Variants in OTOGL observed in about 807,000 individuals in gnomAD.
OTOGL encodes the protein otogelin like.
OTOGL carries 285 observed loss-of-function variants against 318.5 expected under a neutral mutation model. The ratio of observed to expected loss-of-function variants is 0.89; its 90% CI spans 0.81 to 0.99. The LOEUF (loss-of-function observed/expected upper bound fraction) is 0.99. OTOGL is among the 50% of genes least tolerant of loss of function. The probability of loss-of-function intolerance (pLI) is 0.00; values close to 1 mark genes in which losing one functional copy is unlikely to be tolerated. For missense variants in OTOGL, 2,899 were observed against 2,845.6 expected (o/e 1.02, Z -0.43); for synonymous variants, 987 against 936.5 (o/e 1.05, Z -0.99).
At chr12:80,304,267 A>G (rs1239873443) in intron 28 of OTOGL, among the ~76,000 whole-genome samples, 4 of 152,246 alleles carry the variant, frequency 2.6e-5, no homozygotes, top group Admixed American at 6.5e-5. Context: ...ATTATAAATT[A>G]TTTTATATAC....
intron 45 of OTOGL, 42 bp downstream of exon 45, chr12:80,352,478 T>C (rs1201170676): frequency 6.9e-7 from 1 of 1,457,776 alleles, no homozygotes; most frequent in Non-Finnish European, 9.2e-7. Flanking sequence ...CATAAATAAA[T>C]TTCACTTTTG....
intron 1 of OTOGL, among the ~76,000 whole-genome samples, chr12:80,121,182 A>C (rs1840530274): frequency 6.6e-6 from 1 of 152,162 alleles, no homozygotes; most frequent in African/African-American, 2.4e-5. Context: ...CTTTACAAGC[A>C]TTATTGCTGA....
intron 27 of OTOGL, among the ~76,000 whole-genome samples, chr12:80,301,478 G>A (rs548881361): frequency 1.3e-5 from 2 of 152,252 alleles, no homozygotes; most frequent in Admixed American, 6.5e-5. Context: ...GGTTGCAAAC[G>A]TCTCAGGCTA....
intron 1 of OTOGL, among the ~76,000 whole-genome samples, chr12:80,207,174 G>C (rs71463861): frequency 4.2e-4 from 64 of 152,102 alleles, no homozygotes; most frequent in African/African-American, 8.2e-4. Flanking sequence ...GTTTATGCTT[G>C]AGATTTTTCC....
chr12:80,271,518 T>C (rs1260066131), intron 23 of OTOGL, 130 bp from the exon 24 acceptor site: 4 of 821,618 alleles, frequency 4.9e-6, no homozygotes, highest in Non-Finnish European at 7.3e-6. Flanking sequence ...GTTACTGTCT[T>C]ATGGAAGGCA....
chr12:80,147,187 C>T (rs1872442617), intron 1 of OTOGL, among the ~76,000 whole-genome samples: 1 of 151,260 alleles, frequency 6.6e-6, no homozygotes, highest in Non-Finnish European at 1.5e-5. Flanking sequence ...CTCCTGTGGG[C>T]ATTTAGTGCT....
At chr12:80,233,760 G>A (rs1879589934) in intron 9 of OTOGL, among the ~76,000 whole-genome samples, 1 of 152,182 alleles carries the variant, frequency 6.6e-6, no homozygotes, top group South Asian at 2.1e-4. Flanking sequence ...ATACAAGGAA[G>A]TGCAATAAGA....
At chr12:80,318,428 A>G in intron 32 of OTOGL, 118 bp from the exon 33 acceptor site, 1 of 665,328 alleles carries the variant, frequency 1.5e-6, no homozygotes, top group Non-Finnish European at 2.2e-6. Context: ...TATTAGTGAT[A>G]AATTTTTAAT....
Position 80,262,013 on chromosome 12 carries a change from A to G in OTOGL, c.1934A>G (p.Asn645Ser), listed in dbSNP as rs1212996798. Residue 645 changes from asparagine (N) to serine (S), a missense_variant, in exon 19 of 59, where the codon AAT becomes AGT. This residue lies in a region of OTOGL where 2,607 missense variants were observed against 2,524.9 expected (regional missense o/e 1.03). Coordinates refer to ENST00000547103, the MANE Select transcript of OTOGL (RefSeq NM_001378609.3). ...GAAGGTACACCACAACTTCACGCAAATGCGTGGAGAGTTTCTTCTACCTGT... is the reference window on the plus strand; with the variant it reads ...GAAGGTACACCACAACTTCACGCAAGTGCGTGGAGAGTTTCTTCTACCTGT... Reference protein sequence around the residue: ...MIEGTPQLHANAWRVSSTCFA... With the variant: ...MIEGTPQLHASAWRVSSTCFA... The G allele has an allele frequency of 1.2e-6, 2 of 1,612,744 alleles. No homozygotes were observed. The highest frequency in any genetic ancestry group is 2.7e-5 in the African/African-American group (2 of 74,894).
chr12:80,213,211 A>G (rs1877406249), intron 4 of OTOGL, among the ~76,000 whole-genome samples: 2 of 152,228 alleles, frequency 1.3e-5, no homozygotes, highest in South Asian at 4.1e-4. Context: ...CTTTTAGACT[A>G]TATAGGGTAA....
chr12:80,284,408 T>A (rs1884461499), intron 26 of OTOGL, among the ~76,000 whole-genome samples: 1 of 152,214 alleles, frequency 6.6e-6, no homozygotes, highest in African/African-American at 2.4e-5. Flanking sequence ...ATGAGATTGC[T>A]GGGTCAAGTG....
chr12:80,126,325 T>C (rs1870835051), intron 1 of OTOGL, among the ~76,000 whole-genome samples: 1 of 152,174 alleles, frequency 6.6e-6, no homozygotes, highest in South Asian at 2.1e-4. Context: ...AGCAGGTTGT[T>C]CAGTTTCCAT....
intron 1 of OTOGL, among the ~76,000 whole-genome samples, chr12:80,178,295 A>T (rs565942025): frequency 2.6e-5 from 4 of 151,538 alleles, no homozygotes; most frequent in Admixed American, 2.6e-4. Context: ...TCCTGACCTC[A>T]AGTGATCCGC....
At chr12:80,321,579 AAAT>A (rs2137837265) in intron 34 of OTOGL, among the ~76,000 whole-genome samples, 1 of 151,608 alleles carries the variant, frequency 6.6e-6, no homozygotes, top group South Asian at 2.1e-4. Flanking sequence ...GTATAATAAA[AAAT>A]AAAAAAATAA....
intron 1 of OTOGL, chr12:80,103,067 C>T (rs1384865518): frequency 2.6e-6 from 3 of 1,137,914 alleles, no homozygotes; most frequent in Non-Finnish European, 4.0e-6. Flanking sequence ...TGCCATTAGC[C>T]TTTTCCCGCT....
Position 80,328,659 on chromosome 12 carries a change from G to A in OTOGL, c.4200-6G>A. 2 of 1,575,860 alleles carry A rather than the reference G, an allele frequency of 1.3e-6. No individual in the cohort carries two copies. Among genetic ancestry groups the A allele is most frequent in the South Asian group, 2.3e-5 (2 of 88,704 alleles). On this transcript the variant is annotated splice_polypyrimidine_tract_variant and splice_region_variant and intron_variant, in intron 35 of 58. Coordinates refer to ENST00000547103, the MANE Select transcript of OTOGL (RefSeq NM_001378609.3). ...CACTTTGATTTACTCTTTTTTCCAT[G>A]TAAAGGGTTGAAGGATGCTTGCCCT...
At chr12:80,294,409 A>T (rs1885247222) in intron 26 of OTOGL, among the ~76,000 whole-genome samples, 1 of 152,216 alleles carries the variant, frequency 6.6e-6, no homozygotes. Context: ...CACATCCCTT[A>T]GTCTAAATAA....
chr12:80,107,653 C>T (rs1471363511), intron 1 of OTOGL, among the ~76,000 whole-genome samples: 2 of 151,936 alleles, frequency 1.3e-5, no homozygotes, highest in African/African-American at 2.4e-5. Context: ...TGTACACATA[C>T]GTTCATTGCA....
chr12:80,131,426 T>A (rs958269943), intron 1 of OTOGL, among the ~76,000 whole-genome samples: 1 of 152,216 alleles, frequency 6.6e-6, no homozygotes, highest in Non-Finnish European at 1.5e-5. Flanking sequence ...GCAGGAACTT[T>A]ATTTTTGTAT....
Sources: allele counts gnomAD v4.1 joint callset (sites outside exome capture counted in the v4.1 genomes callset), GRCh38; gene constraint gnomAD v4.1.1; regional missense constraint gnomAD v4.1.1; transcripts MANE v1.5; gene names NCBI Gene and HGNC (gene_info 2026-07-23, HGNC 2026-07-21).